PI4KB: variants seen among roughly 807,000 people sequenced by gnomAD.
The protein encoded by PI4KB is phosphatidylinositol 4-kinase beta, also known as PtdIns 4-kinase beta.
A neutral mutation model predicts 81.4 loss-of-function variants in PI4KB; 23 were observed. The ratio of observed to expected loss-of-function variants is 0.28; its 90% confidence interval spans 0.20 to 0.40. The LOEUF (loss-of-function observed/expected upper bound fraction) is 0.40. PI4KB is among the 10% of genes least tolerant of loss of function. PI4KB has a pLI of 1.00. For synonymous variants in PI4KB, 381 were observed against 406.8 expected (o/e 0.94, Z 0.76); for missense variants, 651 against 1,036.6 (o/e 0.63, Z 5.11).
At chr1:151,318,137 G>A (rs1648248538) in intron 1 of PI4KB, among the ~76,000 whole-genome samples, 1 of 152,126 alleles carries the variant, frequency 6.6e-6, no homozygotes, top group Non-Finnish European at 1.5e-5. Context: ...TTAAAGTCTT[G>A]GCTAGGCGCA....
intron 3 of PI4KB, 86 bp downstream of exon 3, chr1:151,310,125 C>T: frequency 1.1e-6 from 1 of 945,480 alleles, no homozygotes; most frequent in East Asian, 2.5e-5. Context: ...CCAGCCTTGG[C>T]CTGGGGGCTC....
intron 9 of PI4KB, among the ~76,000 whole-genome samples, chr1:151,295,485 G>A (rs1048162347): frequency 8.5e-5 from 13 of 152,228 alleles, no homozygotes; most frequent in African/African-American, 2.7e-4. Flanking sequence ...TTTTACAGGT[G>A]AAGAAAACAG....
chr1:151,317,776 A>G (rs1648193913), intron 1 of PI4KB, among the ~76,000 whole-genome samples: 2 of 151,970 alleles, frequency 1.3e-5, no homozygotes, highest in South Asian at 4.1e-4. Flanking sequence ...CCTTACTCAT[A>G]TAACATTCTA....
At chr1:151,294,655 GT>G (rs1222087864) in intron 9 of PI4KB, 114 bp from the exon 10 acceptor site, 8 of 862,114 alleles carry the variant, frequency 9.3e-6, no homozygotes, top group African/African-American at 1.7e-5. Flanking sequence ...CCCCTGCCAT[GT>G]TTCCTGCTGC....
chr1:151,326,141 A>C, intron 1 of PI4KB: 1 of 1,609,202 alleles, frequency 6.2e-7, no homozygotes, highest in South Asian at 1.1e-5. Context: ...CAAAAGCCTA[A>C]AATTAAATAA....
At chr1:151,313,608 C>T (rs1304214347) in intron 2 of PI4KB, among the ~76,000 whole-genome samples, 3 of 152,258 alleles carry the variant, frequency 2.0e-5, no homozygotes, top group Non-Finnish European at 4.4e-5. Flanking sequence ...TCCAACCCTT[C>T]ATGTTCCACT....
In PI4KB at chr1:151,301,633, G is replaced by A. The variant is rs192607839; in HGVS notation, c.1749+211C>T. On this transcript the variant is annotated intron_variant, in intron 8 of 11. Transcript: ENST00000368873. ...AGGATGGTCTCGATCTCCTGACCTC[G>A]TGATCCACCCGCCTCGGCCTCCCAA... Among the ~76,000 whole-genome samples the A allele has an allele frequency of 8.8e-3, 1,334 of 152,200 alleles. 19 individuals carry two copies. Among genetic ancestry groups the A allele is most frequent in the African/African-American group, 0.03 (1,234 of 41,538 alleles).
Position 151,301,885 on chromosome 1 carries a change from G to A in PI4KB, c.1708C>T (p.Arg570Trp), listed in dbSNP as rs1218091769. The A allele has an allele frequency of 3.1e-6, 5 of 1,613,984 alleles. No homozygotes were observed. The highest frequency in any genetic ancestry group is 3.4e-6 in the Non-Finnish European group (4 of 1,180,022). The change falls in exon 8 of 12, where the codon CGG becomes TGG. Residue 570 changes from arginine to tryptophan, a missense_variant. Transcript: ENST00000368873. ...SVIVKCGDDL[R>W]QELLAFQVLK... ...ACCTGAAAGGCCAGAAGCTCTTGCC[G>A]AAGGTCATCCCCACACTTGACAATG...
chr1:151,307,070 A>G lies in PI4KB; in HGVS notation c.1182+504T>C, dbSNP rs937254159. Among the ~76,000 whole-genome samples the G allele has an allele frequency of 6.2e-4, 95 of 152,042 alleles. 1 individual carries two copies. The highest frequency in any genetic ancestry group is 2.9e-4 in the Non-Finnish European group (20 of 67,998). On this transcript the variant is annotated intron_variant, in intron 4 of 11. Transcript: ENST00000368873. ...AGCCTCCGCAATAGAGTGAGACTCC[A>G]TCTCAAAAAAAAAAGAAGAATCTGA...
At chr1:151,307,443 C>T (rs1271681079) in intron 4 of PI4KB, 131 bp downstream of exon 4, 1 of 637,472 alleles carries the variant, frequency 1.6e-6, no homozygotes, top group Non-Finnish European at 2.8e-6. Context: ...TCATGGTTGA[C>T]ATATGCATCA....
intron 2 of PI4KB, among the ~76,000 whole-genome samples, chr1:151,312,850 C>A (rs904327031): frequency 6.6e-6 from 1 of 152,068 alleles, no homozygotes; most frequent in African/African-American, 2.4e-5. Context: ...CTCATCTTTA[C>A]AAAAAAATTT....
At chr1:151,319,640 C>A (rs1461622552) in intron 1 of PI4KB, among the ~76,000 whole-genome samples, 1 of 152,202 alleles carries the variant, frequency 6.6e-6, no homozygotes, top group African/African-American at 2.4e-5. Flanking sequence ...AAGAACACTG[C>A]TGACCAAAGC....
chr1:151,304,400 A>G (rs1000707822), intron 5 of PI4KB, among the ~76,000 whole-genome samples: 8 of 148,648 alleles, frequency 5.4e-5, no homozygotes, highest in African/African-American at 7.5e-5. Context: ...CTGGAGTGCA[A>G]TGGTGTGATC....
At chr1:151,327,024 G>A (rs1053393323) in intron 1 of PI4KB, among the ~76,000 whole-genome samples, 1 of 152,176 alleles carries the variant, frequency 6.6e-6, no homozygotes, top group Non-Finnish European at 1.5e-5. Context: ...AGGCAACAGG[G>A]ATGAGTGAGG....
chr1:151,315,568 T>C lies in PI4KB; in HGVS notation c.909+5A>G. The stretch of plus-strand genomic sequence containing the variant: ...TTTTGTCTCTGGCCCTCCCCAGAAT[T>C]TTACCTCATCCTCATTCTCCACTTT... On this transcript the variant is annotated splice_donor_5th_base_variant and intron_variant, in intron 2 of 11. Transcript: ENST00000368873. The C allele has an allele frequency of 6.2e-7, 1 of 1,611,048 alleles. No homozygotes were observed. Among genetic ancestry groups the C allele is most frequent in the Non-Finnish European group, 8.5e-7 (1 of 1,177,584 alleles).
Position 151,315,489 on chromosome 1 carries a change from G to A in PI4KB, c.909+84C>T, listed in dbSNP as rs376811408. The stretch of plus-strand genomic sequence containing the variant: ...AAACAGGGAGGACAGAAAGAACAGC[G>A]TAACCCTGTGTGTATATAGGAGGCA... On this transcript the variant is annotated intron_variant, in intron 2 of 11. Transcript: ENST00000368873. 104 of 883,422 alleles carry A rather than the reference G, an allele frequency of 1.2e-4. 1 individual carries two copies. Among genetic ancestry groups the A allele is most frequent in the Admixed American group, 9.9e-4 (58 of 58,496 alleles). The allele number at this position is 883,422 out of a possible 1,614,324, so 54.7% of individuals were successfully genotyped here. A position where few individuals can be genotyped will look rare whatever the true frequency, so the allele number is the denominator to read the frequency against.
At chr1:151,293,194 G>A (rs890034646) in intron 11 of PI4KB, 161 bp from the exon 12 acceptor site, 5 of 985,302 alleles carry the variant, frequency 5.1e-6, no homozygotes, top group Non-Finnish European at 6.0e-6. Context: ...AGAAGGAACC[G>A]GCAGGAACCC....
At chr1:151,297,740 T>C (rs1014556223) in intron 9 of PI4KB, among the ~76,000 whole-genome samples, 5 of 152,124 alleles carry the variant, frequency 3.3e-5, no homozygotes, top group Non-Finnish European at 5.9e-5. Context: ...GGTTTCACCA[T>C]GTTGGCCAGG....
intron 11 of PI4KB, 88 bp downstream of exon 11, chr1:151,293,930 T>G (rs758013250): frequency 4.7e-6 from 7 of 1,474,614 alleles, no homozygotes; most frequent in Non-Finnish European, 5.6e-6. Context: ...CAACCGAGTC[T>G]CGTGGGATCA....
Sources: gnomAD v4.1 joint callset for allele counts (sites outside exome capture counted in the v4.1 genomes callset) on GRCh38, gnomAD v4.1.1 for gene constraint, MANE v1.5 for transcripts, NCBI Gene and HGNC (gene_info 2026-07-23, HGNC 2026-07-21) for gene names.